The following LPAR3 variants were observed in gnomAD, a reference collection of about 807,000 sequenced individuals.
The protein encoded by LPAR3 is LPA receptor 3.
A neutral mutation model predicts 17.8 loss-of-function variants in LPAR3; 7 were observed. The ratio of observed to expected loss-of-function variants is 0.39; its 90% confidence interval spans 0.22 to 0.74. LPAR3 has a LOEUF of 0.74. Ranked by LOEUF, LPAR3 falls within the 30% of genes least tolerant of loss-of-function variation. The probability of loss-of-function intolerance (pLI) is 0.40; values close to 1 mark genes in which losing one functional copy is unlikely to be tolerated. For synonymous variants in LPAR3, 179 were observed against 179.9 expected, an observed-to-expected ratio of 0.99 and a Z score of 0.04; for missense variants, 391 against 453.4, an observed-to-expected ratio of 0.86 and a Z score of 1.25.
Position 84,823,685 on chromosome 1 carries a change from G to A in LPAR3, c.737-9514C>T, listed in dbSNP as rs1013023574. Among the ~76,000 whole-genome samples, 14 of 152,270 alleles carry A rather than the reference G, an allele frequency of 9.2e-5. 1 individual carries two copies. The highest frequency in any genetic ancestry group is 2.0e-4 in the Admixed American group (3 of 15,296). ...ACCTAATTCTAGTGTTTAACTACAG[G>A]CAACAGCTGGAAGTTATAAACCATG... On this transcript the variant is annotated intron_variant, in intron 2 of 2. Coordinates refer to ENST00000370611, the MANE Select transcript of LPAR3 (RefSeq NM_012152.3).
chr1:84,878,183 A>G (rs1012265902), intron 1 of LPAR3, among the ~76,000 whole-genome samples: 3 of 152,164 alleles, frequency 2.0e-5, no homozygotes, highest in African/African-American at 4.8e-5. Context: ...AATTTTTTTT[A>G]AAGTATTCAA....
chr1:84,854,410 C>T (rs968261488), intron 2 of LPAR3, among the ~76,000 whole-genome samples: 2 of 152,192 alleles, frequency 1.3e-5, no homozygotes, highest in African/African-American at 4.8e-5. Flanking sequence ...TTTCTTTGTG[C>T]CTTCAGTTAT....
chr1:84,821,707 T>C (rs1659058840), intron 2 of LPAR3, among the ~76,000 whole-genome samples: 1 of 152,102 alleles, frequency 6.6e-6, no homozygotes, highest in Non-Finnish European at 1.5e-5. Flanking sequence ...CTAGCTAAAA[T>C]CCAGGTGAAA....
chr1:84,815,259 T>C (rs1658911001), intron 2 of LPAR3, among the ~76,000 whole-genome samples: 1 of 152,198 alleles, frequency 6.6e-6, no homozygotes, highest in African/African-American at 2.4e-5. Context: ...GACCCGCCTC[T>C]GTAGTATGAT....
chr1:84,863,131 C>A (rs55741730), intron 2 of LPAR3, among the ~76,000 whole-genome samples: 90,293 of 151,238 alleles, frequency 0.6, 27,072 homozygotes, highest in African/African-American at 0.67. Context: ...GCTGGAGTGC[C>A]GTGGTGTGAT....
chr1:84,887,414 T>A (rs1570910722), intron 1 of LPAR3, among the ~76,000 whole-genome samples: 1 of 151,266 alleles, frequency 6.6e-6, no homozygotes, highest in Non-Finnish European at 1.5e-5. Context: ...GCAACATTCA[T>A]AGAGGTGGCT....
intron 2 of LPAR3, among the ~76,000 whole-genome samples, chr1:84,833,444 A>G (rs1440773711): frequency 2.6e-5 from 4 of 152,092 alleles, no homozygotes; most frequent in African/African-American, 9.7e-5. Context: ...CCCTCCTGGG[A>G]TTGGTAAGGA....
intron 2 of LPAR3, among the ~76,000 whole-genome samples, chr1:84,816,262 C>T (rs1658930097): frequency 1.3e-5 from 2 of 152,138 alleles, no homozygotes. Context: ...CCATACCACC[C>T]GATAATTGTG....
intron 2 of LPAR3, among the ~76,000 whole-genome samples, chr1:84,817,001 C>G (rs1032851879): frequency 2.0e-5 from 3 of 152,068 alleles, no homozygotes; most frequent in Admixed American, 6.5e-5. Context: ...AGCCTTTTCT[C>G]CAGGAGACAC....
intron 2 of LPAR3, among the ~76,000 whole-genome samples, chr1:84,841,980 A>G (rs911132175): frequency 7.9e-5 from 12 of 152,224 alleles, no homozygotes; most frequent in Non-Finnish European, 1.6e-4. Context: ...GTACAACATA[A>G]GCAGAAGAAG....
chr1:84,814,134 A>C lies in LPAR3; in HGVS notation c.774T>G (p.Val258=). Residue 258 remains valine (V), a synonymous_variant, in exon 3 of 3, where the codon GTT becomes GTG. Coordinates refer to ENST00000370611, the MANE Select transcript of LPAR3 (RefSeq NM_012152.3). The part of the protein sequence containing the change: ...FVVCWTPGLV[V]LLLDGLNCRQ... ...TGCAGTTCAGGCCGTCGAGGAGCAG[A>C]ACCACCAGGCCCGGGGTCCAGCATA... The C allele has an allele frequency of 6.2e-7, 1 of 1,614,140 alleles. No homozygotes were observed. The highest frequency in any genetic ancestry group is 8.5e-7 in the Non-Finnish European group (1 of 1,180,020).
chr1:84,817,916 C>T (rs922006821), intron 2 of LPAR3, among the ~76,000 whole-genome samples: 8 of 152,272 alleles, frequency 5.3e-5, no homozygotes, highest in Admixed American at 3.9e-4. Context: ...TCCAGAGGTA[C>T]CCTCCTACTC....
In LPAR3 at chr1:84,872,765, G is replaced by C. The variant is rs182777610; in HGVS notation, c.-18-6627C>G. Among the ~76,000 whole-genome samples, 498 of 152,268 alleles carry C rather than the reference G, an allele frequency of 3.3e-3. 3 individuals carry two copies. Among genetic ancestry groups the C allele is most frequent in the Admixed American group, 5.0e-3 (76 of 15,296 alleles). On this transcript the variant is annotated intron_variant, in intron 1 of 2. Transcript: ENST00000370611. Reference sequence around the variant, plus strand: ...ACCTCCTTCCAAAGAGCACAATATGGAAATGGGGCGGGCGGTGGGGGCAGT... The same window carrying C: ...ACCTCCTTCCAAAGAGCACAATATGCAAATGGGGCGGGCGGTGGGGGCAGT...
At chr1:84,837,835 G>A (rs1325715141) in intron 2 of LPAR3, among the ~76,000 whole-genome samples, 1 of 152,190 alleles carries the variant, frequency 6.6e-6, no homozygotes, top group African/African-American at 2.4e-5. Context: ...GAAAAGAAAT[G>A]TATGTTCCTA....
At chr1:84,870,112 C>T (rs1570897815) in intron 1 of LPAR3, among the ~76,000 whole-genome samples, 2 of 152,200 alleles carry the variant, frequency 1.3e-5, no homozygotes, top group African/African-American at 2.4e-5. Flanking sequence ...CTCTTGGCCT[C>T]CCTTAACCCT....
intron 2 of LPAR3, among the ~76,000 whole-genome samples, chr1:84,817,359 A>G (rs1018666580): frequency 6.6e-6 from 1 of 151,928 alleles, no homozygotes; most frequent in Admixed American, 6.6e-5. Context: ...ATTCTCTATG[A>G]ATTCTCCAAG....
At chr1:84,825,181 G>A (rs532777999) in intron 2 of LPAR3, among the ~76,000 whole-genome samples, 42 of 152,300 alleles carry the variant, frequency 2.8e-4, no homozygotes, top group African/African-American at 9.1e-4. Flanking sequence ...GCAGTGCTAG[G>A]AACTGAGGAG....
At chr1:84,839,715 C>T (rs1659473711) in intron 2 of LPAR3, among the ~76,000 whole-genome samples, 2 of 149,396 alleles carry the variant, frequency 1.3e-5, no homozygotes, top group South Asian at 4.3e-4. Context: ...ATGATGACAA[C>T]ACTGTGCAAT....
intron 2 of LPAR3, among the ~76,000 whole-genome samples, chr1:84,852,665 A>G (rs1225584931): frequency 6.6e-6 from 1 of 152,176 alleles, no homozygotes; most frequent in East Asian, 1.9e-4. Flanking sequence ...TTCAAGCTGC[A>G]GGAGTAAAAT....
Sources: gnomAD v4.1 joint callset for allele counts (sites outside exome capture counted in the v4.1 genomes callset) on GRCh38, gnomAD v4.1.1 for gene constraint, MANE v1.5 for transcripts, NCBI Gene and HGNC (gene_info 2026-07-23, HGNC 2026-07-21) for gene names.